Variants in BCL2 observed in about 807,000 individuals in gnomAD.
BCL2 encodes the protein apoptosis regulator Bcl-2.
In BCL2, 1 loss-of-function variant was observed where a neutral mutation model predicts 14.2. The observed-to-expected ratio is 0.07, with a 90% confidence interval of 0.02 to 0.33. BCL2 has a LOEUF of 0.33. Ranked by LOEUF, BCL2 falls within the 10% of genes least tolerant of loss-of-function variation. The pLI, the probability that BCL2 is intolerant of heterozygous loss-of-function variation, is 0.99. For missense variants in BCL2, 247 were observed against 305.9 expected, an observed-to-expected ratio of 0.81 and a Z score of 1.44; for synonymous variants, 151 against 137.2, an observed-to-expected ratio of 1.10 and a Z score of -0.70.
intron 2 of BCL2, among the ~76,000 whole-genome samples, chr18:63,236,903 G>T (rs370813628): frequency 6.6e-6 from 1 of 152,182 alleles, no homozygotes. Flanking sequence ...CTACCATCTC[G>T]AGGCCAGTGA....
At chr18:63,165,659 G>A (rs527367477) in intron 2 of BCL2, among the ~76,000 whole-genome samples, 50 of 152,198 alleles carry the variant, frequency 3.3e-4, no homozygotes, top group Non-Finnish European at 6.0e-4. Context: ...GAAGGCCTCG[G>A]GCCTAGGTGT....
intron 2 of BCL2, among the ~76,000 whole-genome samples, chr18:63,132,882 G>A (rs867627397): frequency 2.6e-5 from 4 of 152,164 alleles, no homozygotes; most frequent in Non-Finnish European, 5.9e-5. Flanking sequence ...ATGTGATTCG[G>A]ACAAAATCCC....
At chr18:63,154,889 A>C (rs1384683761) in intron 2 of BCL2, among the ~76,000 whole-genome samples, 1 of 152,220 alleles carries the variant, frequency 6.6e-6, no homozygotes, top group Non-Finnish European at 1.5e-5. Context: ...AAAACTATTT[A>C]AACAGGTCCA....
At chr18:63,300,532 A>G (rs1912936368) in intron 2 of BCL2, among the ~76,000 whole-genome samples, 1 of 151,782 alleles carries the variant, frequency 6.6e-6, no homozygotes, top group Non-Finnish European at 1.5e-5. Flanking sequence ...CTCTTTCACT[A>G]CAGTCTGGAC....
chr18:63,241,496 T>C (rs924199764), intron 2 of BCL2, among the ~76,000 whole-genome samples: 2 of 152,186 alleles, frequency 1.3e-5, no homozygotes, highest in African/African-American at 4.8e-5. Flanking sequence ...TATGATAAGA[T>C]CTCAGAGTTA....
intron 2 of BCL2, among the ~76,000 whole-genome samples, chr18:63,280,486 A>G (rs1912278620): frequency 6.6e-6 from 1 of 152,260 alleles, no homozygotes; most frequent in South Asian, 2.1e-4. Flanking sequence ...CTCAATAACA[A>G]CAAAACAACC....
intron 2 of BCL2, among the ~76,000 whole-genome samples, chr18:63,275,665 T>G (rs982276307): frequency 2.6e-5 from 4 of 152,352 alleles, no homozygotes; most frequent in Middle Eastern, 3.4e-3. Context: ...ATTTCCAGTT[T>G]AGGGTTTATC....
At chr18:63,276,491 T>C (rs1390838021) in intron 2 of BCL2, among the ~76,000 whole-genome samples, 5 of 152,190 alleles carry the variant, frequency 3.3e-5, no homozygotes, top group Non-Finnish European at 7.3e-5. Flanking sequence ...AAATATTCTA[T>C]GTCCCCCAGG....
intron 2 of BCL2, among the ~76,000 whole-genome samples, chr18:63,310,205 T>C (rs975933173): frequency 8.5e-5 from 13 of 152,308 alleles, no homozygotes; most frequent in African/African-American, 3.1e-4. Context: ...AATCCATGGA[T>C]GTGGAACCCA....
intron 2 of BCL2, among the ~76,000 whole-genome samples, chr18:63,276,726 A>G (rs4941192): frequency 0.18 from 28,144 of 152,236 alleles, 5,052 homozygotes; most frequent in African/African-American, 0.46. Flanking sequence ...ATCTGCAGCC[A>G]TCTGGATTTA....
At chr18:63,216,138 T>C (rs1239024208) in intron 2 of BCL2, among the ~76,000 whole-genome samples, 1 of 151,192 alleles carries the variant, frequency 6.6e-6, no homozygotes, top group Non-Finnish European at 1.5e-5. Context: ...TTATGAGTGA[T>C]TTTTTTTTCT....
chr18:63,296,686 T>G (rs546722162), intron 2 of BCL2, among the ~76,000 whole-genome samples: 7 of 152,306 alleles, frequency 4.6e-5, no homozygotes, highest in African/African-American at 1.7e-4. Context: ...TATGCTCACC[T>G]GTAAAAGTAT....
intron 2 of BCL2, among the ~76,000 whole-genome samples, chr18:63,215,014 A>G (rs1002138606): frequency 6.6e-6 from 1 of 152,144 alleles, no homozygotes; most frequent in African/African-American, 2.4e-5. Context: ...TGGCCTCCTA[A>G]GGCTCATTTC....
intron 2 of BCL2, among the ~76,000 whole-genome samples, chr18:63,176,287 A>C (rs1915346679): frequency 6.6e-6 from 1 of 152,242 alleles, no homozygotes; most frequent in Non-Finnish European, 1.5e-5. Context: ...TCCTCTGGCC[A>C]GTCCTTTCTG....
chr18:63,213,527 CACACACACACACACACATAA>C (rs1934198685), intron 2 of BCL2, among the ~76,000 whole-genome samples: 2 of 1,906 alleles, frequency 1.0e-3, no homozygotes, highest in South Asian at 0.026. Context: ...CACATTAAAC[CACACACACACACACACATAA>C]ACACACACAC....
chr18:63,158,749 T>C (rs1914845782), intron 2 of BCL2, among the ~76,000 whole-genome samples: 1 of 152,226 alleles, frequency 6.6e-6, no homozygotes, highest in African/African-American at 2.4e-5. Context: ...AAGAGAAATT[T>C]ATAGCGCCGC....
intron 2 of BCL2, among the ~76,000 whole-genome samples, chr18:63,242,299 G>T (rs547388234): frequency 6.0e-4 from 92 of 152,342 alleles, no homozygotes; most frequent in African/African-American, 2.2e-3. Context: ...CATGTGACAT[G>T]AGGCAGATTA....
chr18:63,191,998 C>T (rs1909302065), intron 2 of BCL2, among the ~76,000 whole-genome samples: 1 of 152,222 alleles, frequency 6.6e-6, no homozygotes, highest in Admixed American at 6.5e-5. Context: ...TGACAAACTA[C>T]TCATTGAACT....
At chr18:63,202,307 T>G (rs1411147555) in intron 2 of BCL2, among the ~76,000 whole-genome samples, 1 of 152,092 alleles carries the variant, frequency 6.6e-6, no homozygotes, top group Non-Finnish European at 1.5e-5. Context: ...AGACTCAGTC[T>G]CAAAAAAAAT....
Sources: gnomAD v4.1 joint callset for allele counts (sites outside exome capture counted in the v4.1 genomes callset) on GRCh38, gnomAD v4.1.1 for gene constraint, MANE v1.5 for transcripts, NCBI Gene and HGNC (gene_info 2026-07-23, HGNC 2026-07-21) for gene names.